PRKCA: variants seen among roughly 807,000 people sequenced by gnomAD.
PRKCA encodes protein kinase C alpha.
In PRKCA, 27 loss-of-function variants were observed where a neutral mutation model predicts 87.0. The observed-to-expected ratio is 0.31, with a 90% confidence interval of 0.23 to 0.43. The LOEUF (loss-of-function observed/expected upper bound fraction) is 0.43, where lower values mean the gene tolerates loss of function less well. Ranked by LOEUF, PRKCA falls within the 20% of genes least tolerant of loss-of-function variation. The pLI, the probability that PRKCA is intolerant of heterozygous loss-of-function variation, is 1.00. For synonymous variants in PRKCA, 329 were observed against 311.1 expected, an observed-to-expected ratio of 1.06 and a Z score of -0.61; for missense variants, 518 against 852.3, an observed-to-expected ratio of 0.61 and a Z score of 4.88.
At position 66,786,976 on chromosome 17, in the gene PRKCA, T is replaced by A; in HGVS notation, c.1713+2T>A. On this transcript the variant is annotated splice_donor_variant, in intron 15 of 16. Coordinates refer to ENST00000413366, the MANE Select transcript of PRKCA (RefSeq NM_002737.3). LOFTEE classifies it high-confidence loss of function. The stretch of plus-strand genomic sequence containing the variant: ...GAGGCTGTTTCTGTCTGCAAAGGAG[T>A]AAGTCGATTTGGATACCTTTTGTGA... 1 of 1,581,770 alleles carries A rather than the reference T, an allele frequency of 6.3e-7. No homozygotes were observed. The highest frequency in any genetic ancestry group is 8.7e-7 in the Non-Finnish European group (1 of 1,150,690).
At chr17:66,646,069 A>G (rs1490842790) in intron 5 of PRKCA, among the ~76,000 whole-genome samples, 3 of 152,214 alleles carry the variant, frequency 2.0e-5, no homozygotes, top group Non-Finnish European at 4.4e-5. Flanking sequence ...AGAAAAGGAA[A>G]CTGAGGCACA....
intron 2 of PRKCA, among the ~76,000 whole-genome samples, chr17:66,331,965 CT>C (rs1043125659): frequency 6.6e-6 from 1 of 151,776 alleles, no homozygotes; most frequent in Admixed American, 6.6e-5. Flanking sequence ...TGTTAAACCA[CT>C]TTTTTTTACA....
At chr17:66,442,633 T>G (rs1913832579) in intron 2 of PRKCA, among the ~76,000 whole-genome samples, 1 of 152,128 alleles carries the variant, frequency 6.6e-6, no homozygotes, top group Admixed American at 6.5e-5. Context: ...CTTCATAGCC[T>G]CCATCCCAGC....
chr17:66,386,987 C>T (rs1210920326), intron 2 of PRKCA, among the ~76,000 whole-genome samples: 1 of 152,144 alleles, frequency 6.6e-6, no homozygotes, highest in East Asian at 1.9e-4. Context: ...GGTCTTCAGA[C>T]TTGTGTTTGA....
chr17:66,306,930 A>G (rs1904847050), intron 2 of PRKCA, among the ~76,000 whole-genome samples: 2 of 152,070 alleles, frequency 1.3e-5, no homozygotes. Context: ...TCCATTTCCC[A>G]TCTGGGCATA....
chr17:66,348,506 G>C (rs1181561260), intron 2 of PRKCA, among the ~76,000 whole-genome samples: 1 of 152,142 alleles, frequency 6.6e-6, no homozygotes, highest in Non-Finnish European at 1.5e-5. Context: ...GGACCCTTAA[G>C]GGTTTGTGGA....
chr17:66,738,917 C>T (rs199944343), intron 11 of PRKCA, 62 bp downstream of exon 11: 3 of 1,224,530 alleles, frequency 2.4e-6, no homozygotes, highest in Admixed American at 3.8e-5. Context: ...TGGAAACTTC[C>T]TTTTTTCCCC....
intron 2 of PRKCA, among the ~76,000 whole-genome samples, chr17:66,477,146 A>G (rs1915569564): frequency 6.6e-6 from 1 of 152,168 alleles, no homozygotes; most frequent in South Asian, 2.1e-4. Context: ...GGAAACATAA[A>G]TGCCCACGGA....
At chr17:66,721,345 G>A (rs932931620) in intron 8 of PRKCA, among the ~76,000 whole-genome samples, 4 of 148,596 alleles carry the variant, frequency 2.7e-5, no homozygotes, top group African/African-American at 7.5e-5. Flanking sequence ...GCAGTGAGCC[G>A]AGATCGGGCC....
chr17:66,493,518 C>T (rs1171527643), intron 2 of PRKCA, among the ~76,000 whole-genome samples: 3 of 151,806 alleles, frequency 2.0e-5, no homozygotes, highest in Non-Finnish European at 2.9e-5. Flanking sequence ...TGGGAAAGAC[C>T]ATCCTTTGTT....
intron 2 of PRKCA, among the ~76,000 whole-genome samples, chr17:66,478,548 C>A (rs1440338233): frequency 1.3e-5 from 2 of 152,038 alleles, no homozygotes; most frequent in Admixed American, 6.6e-5. Flanking sequence ...ACCACCGCGC[C>A]CAGCCCATAT....
At position 66,422,175 on chromosome 17, in the gene PRKCA, G is replaced by C. The variant is rs1189894160; in HGVS notation, c.206-74026G>C. On this transcript the variant is annotated intron_variant, in intron 2 of 16. Coordinates refer to ENST00000413366, the MANE Select transcript of PRKCA (RefSeq NM_002737.3). ...ATATAACCCTCTTGCCTTTCTAAAA[G>C]GTCCTATTTCCAAATAAGGTCACAT... is the stretch of plus-strand genomic sequence containing the variant. 2.0e-5 allele frequency among the ~76,000 whole-genome samples: 3 copies of C among 152,070 alleles called. No homozygotes were observed. The East Asian group carries it at 5.8e-4, about 29-fold the overall frequency.
chr17:66,586,148 T>A (rs1969589753), intron 3 of PRKCA, among the ~76,000 whole-genome samples: 1 of 152,164 alleles, frequency 6.6e-6, no homozygotes, highest in South Asian at 2.1e-4. Flanking sequence ...TGGTTGCCAT[T>A]GCTATGGCAC....
intron 2 of PRKCA, among the ~76,000 whole-genome samples, chr17:66,483,025 C>T (rs143933586): frequency 2.1e-5 from 3 of 141,288 alleles, no homozygotes; most frequent in East Asian, 1.9e-4. Flanking sequence ...AAGGTACCCT[C>T]GGTATTTTTA....
chr17:66,581,411 C>T (rs1027941928), intron 3 of PRKCA, among the ~76,000 whole-genome samples: 4 of 152,186 alleles, frequency 2.6e-5, no homozygotes, highest in African/African-American at 9.6e-5. Context: ...AAATATTATT[C>T]TTCCAACTTT....
At chr17:66,365,555 T>C (rs1358382286) in intron 2 of PRKCA, among the ~76,000 whole-genome samples, 1 of 152,236 alleles carries the variant, frequency 6.6e-6, no homozygotes, top group African/African-American at 2.4e-5. Flanking sequence ...ATCCTATAGT[T>C]ACTTATAGGC....
chr17:66,392,877 GA>G (rs1298748240), intron 2 of PRKCA, among the ~76,000 whole-genome samples: 4 of 152,084 alleles, frequency 2.6e-5, no homozygotes, highest in African/African-American at 9.7e-5. Context: ...ATGTGTCCTT[GA>G]AGCTGAAAGG....
chr17:66,319,319 T>C (rs1905512317), intron 2 of PRKCA, among the ~76,000 whole-genome samples: 1 of 152,252 alleles, frequency 6.6e-6, no homozygotes, highest in Admixed American at 6.5e-5. Flanking sequence ...AAGTAAACTC[T>C]GGAAAATAGA....
chr17:66,690,074 G>T (rs1972738520), intron 8 of PRKCA, among the ~76,000 whole-genome samples: 1 of 151,996 alleles, frequency 6.6e-6, no homozygotes, highest in Admixed American at 6.6e-5. Flanking sequence ...GAGTGGTCTT[G>T]GGGGGATAAT....
Sources: allele counts gnomAD v4.1 joint callset (sites outside exome capture counted in the v4.1 genomes callset), GRCh38; gene constraint gnomAD v4.1.1; transcripts MANE v1.5; gene names NCBI Gene and HGNC (gene_info 2026-07-23, HGNC 2026-07-21).